ECT2: variants seen among roughly 807,000 people sequenced by gnomAD.
The protein encoded by ECT2 is epithelial cell transforming 2.
ECT2 carries 61 observed loss-of-function variants against 116.9 expected under a neutral mutation model. That is an observed-to-expected ratio of 0.52 (90% CI 0.42 to 0.65). The LOEUF (loss-of-function observed/expected upper bound fraction) is 0.65. ECT2 is among the 30% of genes least tolerant of loss of function. ECT2 has a pLI of 0.00. For synonymous variants in ECT2, 358 were observed against 346.4 expected, an observed-to-expected ratio of 1.03 and a Z score of -0.37; for missense variants, 937 against 1,078.7, an observed-to-expected ratio of 0.87 and a Z score of 1.84.
At chr3:172,810,864 A>T (rs1264605267) in intron 22 of ECT2, among the ~76,000 whole-genome samples, 1 of 152,162 alleles carries the variant, frequency 6.6e-6, no homozygotes, top group Non-Finnish European at 1.5e-5. Context: ...TCTCAGTGGG[A>T]AAGATTGACT....
chr3:172,782,364 T>C (rs1722862942), intron 15 of ECT2, 133 bp downstream of exon 15: 3 of 459,270 alleles, frequency 6.5e-6, no homozygotes, highest in Non-Finnish European at 1.1e-5. Flanking sequence ...ATAAAATACA[T>C]TGGAAATGTT....
chr3:172,772,535 A>G lies in ECT2; in HGVS notation c.1429-1368A>G, dbSNP rs78419290. On this transcript the variant is annotated intron_variant, in intron 13 of 24. Coordinates refer to ENST00000392692, the MANE Select transcript of ECT2 (RefSeq NM_001258315.2). ...TATTGTGGATACTAGTCCTTTGTCA[A>G]ACATGACTTGCAAATGCTTTTTTGT... Among the ~76,000 whole-genome samples, 1,215 of 152,306 alleles carry G rather than the reference A, an allele frequency of 8.0e-3. 15 individuals are homozygous for G. Among genetic ancestry groups the G allele is most frequent in the African/African-American group, 0.028 (1,177 of 41,550 alleles).
chr3:172,811,491 A>G (rs757693976), intron 22 of ECT2, among the ~76,000 whole-genome samples: 9 of 152,172 alleles, frequency 5.9e-5, no homozygotes, highest in Non-Finnish European at 8.8e-5. Context: ...TCTTGTATCT[A>G]TCTTTCCCTC....
At chr3:172,813,791 T>C (rs1729192505) in intron 22 of ECT2, among the ~76,000 whole-genome samples, 1 of 152,070 alleles carries the variant, frequency 6.6e-6, no homozygotes, top group Non-Finnish European at 1.5e-5. Context: ...TTAATTGTGG[T>C]ATAATCAGAG....
intron 12 of ECT2, among the ~76,000 whole-genome samples, chr3:172,767,225 G>A (rs1443248913): frequency 1.3e-5 from 2 of 152,188 alleles, no homozygotes; most frequent in African/African-American, 4.8e-5. Context: ...GGCAGATCAC[G>A]AGTTCAGGAG....
intron 12 of ECT2, among the ~76,000 whole-genome samples, chr3:172,768,058 A>G (rs1028716716): frequency 6.6e-6 from 1 of 152,136 alleles, no homozygotes; most frequent in African/African-American, 2.4e-5. Flanking sequence ...CATGAAATGT[A>G]TATGAAATAC....
chr3:172,793,433 G>A (rs964232408), intron 18 of ECT2, among the ~76,000 whole-genome samples: 2 of 151,338 alleles, frequency 1.3e-5, no homozygotes, highest in African/African-American at 2.4e-5. Context: ...GATTACAGGC[G>A]TGAGCCCCCG....
At chr3:172,755,621 G>C in intron 4 of ECT2, 46 bp downstream of exon 4, 1 of 1,014,384 alleles carries the variant, frequency 9.9e-7, no homozygotes, top group Non-Finnish European at 1.4e-6. Context: ...CACTTCCCTT[G>C]ATTGTATTAT....
intron 7 of ECT2, 63 bp from the exon 8 acceptor site, chr3:172,761,547 T>A: frequency 8.4e-7 from 1 of 1,186,448 alleles, no homozygotes; most frequent in East Asian, 2.4e-5. Flanking sequence ...ATGTTAACTG[T>A]TTAGAACTTC....
At chr3:172,780,255 G>C (rs989254540) in intron 14 of ECT2, among the ~76,000 whole-genome samples, 6 of 152,154 alleles carry the variant, frequency 3.9e-5, no homozygotes, top group Non-Finnish European at 8.8e-5. Context: ...GTGATTTTTA[G>C]TTCATCTAAA....
chr3:172,797,018 C>CTGTG (rs57188529), intron 18 of ECT2, among the ~76,000 whole-genome samples: 5,893 of 139,082 alleles, frequency 0.042, 313 homozygotes, highest in African/African-American at 0.13. Flanking sequence ...TCAGGTTCAA[C>CTGTG]TGTGTGTGTG....
At chr3:172,753,985 T>C (rs904975012) in intron 1 of ECT2, among the ~76,000 whole-genome samples, 46 of 152,168 alleles carry the variant, frequency 3.0e-4, no homozygotes, top group Admixed American at 3.9e-4. Context: ...TGTGTGGAGC[T>C]GGTTTATTAG....
At chr3:172,764,588 A>G (rs2108355784) in intron 12 of ECT2, 88 bp downstream of exon 12, 1 of 1,219,462 alleles carries the variant, frequency 8.2e-7, no homozygotes, top group East Asian at 2.4e-5. Context: ...TATAGTGAAT[A>G]TGGAAGTCTT....
rs1275403029 is a variant in ECT2 at position 172,761,616 on chromosome 3, G to A, written c.691G>A (p.Val231Met). 1.9e-6 allele frequency: 3 copies of A among 1,607,964 alleles called. No homozygotes were observed. The highest frequency in any genetic ancestry group is 1.7e-5 in the Admixed American group (1 of 59,716). Residue 231 changes from valine to methionine, a missense_variant, in exon 8 of 25, where the codon GTG (valine) becomes ATG (methionine). Physicochemically the swap from Val to Met is conservative, Grantham distance 21. Transcript: ENST00000392692. ...GTAATGTTTATATTTTTAGGTTGCT[G>A]TGAGTCTAGGTACTCCAATTATGAA... ...CTQGEKFRVA[V>M]SLGTPIMKPE... is the part of the protein sequence containing the mutation.
chr3:172,776,860 A>G (rs1310833103), intron 14 of ECT2, among the ~76,000 whole-genome samples: 1 of 151,260 alleles, frequency 6.6e-6, no homozygotes, highest in Non-Finnish European at 1.5e-5. Flanking sequence ...TATGTAGTGG[A>G]AAAAACGGGT....
intron 22 of ECT2, among the ~76,000 whole-genome samples, chr3:172,808,925 G>T (rs1728240200): frequency 6.6e-6 from 1 of 151,964 alleles, no homozygotes; most frequent in Non-Finnish European, 1.5e-5. Context: ...GATTTCTATG[G>T]ACCAATAATA....
rs535498844 is a variant in ECT2, at chr3:172,785,874, A to G, written c.1826-619A>G. Among the ~76,000 whole-genome samples the G allele has an allele frequency of 1.8e-3, 277 of 152,280 alleles. 1 individual carries two copies. The highest frequency in any genetic ancestry group is 6.5e-3 in the African/African-American group (269 of 41,558). ...GTTTTCTTCTGATTTGCATACCTTC[A>G]TTATTGTTTAAGTACTTGTAGAAAT... On this transcript the variant is annotated intron_variant, in intron 17 of 24. Coordinates refer to ENST00000392692, the MANE Select transcript of ECT2 (RefSeq NM_001258315.2).
chr3:172,775,007 C>A (rs1401693601), intron 14 of ECT2, among the ~76,000 whole-genome samples: 2 of 152,108 alleles, frequency 1.3e-5, no homozygotes, highest in Non-Finnish European at 2.9e-5. Flanking sequence ...CATTTAAGTC[C>A]CTTCTCCATT....
At chr3:172,764,792 G>A (rs1719009030) in intron 12 of ECT2, among the ~76,000 whole-genome samples, 1 of 152,122 alleles carries the variant, frequency 6.6e-6, no homozygotes, top group South Asian at 2.1e-4. Context: ...TTTCTCCAGG[G>A]TCATATAACT....
Sources: gnomAD v4.1 joint callset for allele counts (sites outside exome capture counted in the v4.1 genomes callset) on GRCh38, gnomAD v4.1.1 for gene constraint, MANE v1.5 for transcripts, NCBI Gene and HGNC (gene_info 2026-07-23, HGNC 2026-07-21) for gene names.